JAG2: variants seen among roughly 807,000 people sequenced by gnomAD.
JAG2 encodes protein jagged-2.
In JAG2, 46 loss-of-function variants were observed where a neutral mutation model predicts 141.7. The ratio of observed to expected loss-of-function variants is 0.32; its 90% CI spans 0.26 to 0.42. The LOEUF (loss-of-function observed/expected upper bound fraction) is 0.42, where lower values mean the gene tolerates loss of function less well. Ranked by LOEUF, JAG2 falls within the 10% of genes least tolerant of loss-of-function variation. JAG2 has a pLI of 1.00. For synonymous variants in JAG2, 862 were observed against 763.5 expected (o/e 1.13, Z -2.13); for missense variants, 1,500 against 1,817.5 (o/e 0.83, Z 3.18).
At chr14:105,143,232 A>C in intron 25 of JAG2, 62 bp from the exon 26 acceptor site, 1 of 1,537,028 alleles carries the variant, frequency 6.5e-7, no homozygotes, top group Admixed American at 1.9e-5. Flanking sequence ...GGCACTAGCC[A>C]CACACCCAGG....
chr14:105,152,363 C>T (rs1257902071), intron 5 of JAG2, 72 bp from the exon 6 acceptor site: 5 of 1,545,538 alleles, frequency 3.2e-6, no homozygotes, highest in Non-Finnish European at 4.4e-6. Context: ...GAGCCAGGCA[C>T]AGTCACCCAC....
intron 2 of JAG2, among the ~76,000 whole-genome samples, chr14:105,165,662 G>A (rs1204424932): frequency 6.6e-6 from 1 of 152,182 alleles, no homozygotes; most frequent in Non-Finnish European, 1.5e-5. Flanking sequence ...GAGACCACAA[G>A]GTGGGAGAGT....
chr14:105,145,831 G>C lies in JAG2; in HGVS notation c.2852C>G (p.Ala951Gly). ...GCAGGGGGTGCTCGGTGGCTCTTCT[G>C]CGCCGCACTCCCCCCAGGCCTCACA... ...PPCEAWGECG[A>G]EEPPSTPCLP... The change falls in exon 23 of 26, where the codon GCA (alanine) becomes GGA (glycine). Residue 951 changes from alanine (A) to glycine (G), a missense_variant. Around this residue, in one of 3 missense-constraint regions of JAG2, gnomAD observed 425 missense variants for 441.0 expected, o/e 0.96. Coordinates refer to ENST00000331782, the MANE Select transcript of JAG2 (RefSeq NM_002226.5). 1.3e-6 allele frequency: 2 copies of C among 1,563,216 alleles called. No homozygotes were observed. The highest frequency in any genetic ancestry group is 1.7e-6 in the Non-Finnish European group (2 of 1,154,604).
rs1476682844 is a variant in JAG2 at position 105,143,086 on chromosome 14, C to T, written c.3326G>A (p.Arg1109His). The T allele has an allele frequency of 1.1e-5, 17 of 1,600,238 alleles. No individual in the cohort carries two copies. Among genetic ancestry groups the T allele is most frequent in the African/African-American group, 1.3e-5 (1 of 74,916 alleles). ...CCGGCTCCTCTCCCGCTCTTTCCTG[C>T]GCTTGCGTGTCCACCACACGCACAG... ...VVLCVWWTRK[R>H]RKERERSRLP... The change falls in exon 26 of 26, where the codon CGC (arginine) becomes CAC (histidine). Residue 1109 changes from arginine (R) to histidine (H), a missense_variant. Transcript: ENST00000331782.
rs948288244 is a variant in JAG2 at position 105,154,861 on chromosome 14, T to C, written c.788+701A>G. On this transcript the variant is annotated intron_variant, in intron 5 of 25. Coordinates refer to ENST00000331782, the MANE Select transcript of JAG2 (RefSeq NM_002226.5). This position sits in a 1 kb window ranked among gnomAD's most constrained non-coding sequence, Gnocchi z 4.4. Reference sequence around the variant, plus strand: ...CACCATGGCTCTGCTACTCAGCAGCTTGGGGTTCTCCCTGACTCCACACCC... The same window carrying C: ...CACCATGGCTCTGCTACTCAGCAGCCTGGGGTTCTCCCTGACTCCACACCC... Among the ~76,000 whole-genome samples the C allele has an allele frequency of 6.6e-6, 1 of 152,020 alleles. No individual in the cohort carries two copies. Among genetic ancestry groups the C allele is most frequent in the Admixed American group, 6.5e-5 (1 of 15,286 alleles).
chr14:105,148,819 C>A lies in JAG2; in HGVS notation c.1946G>T (p.Gly649Val). 6.3e-7 allele frequency: 1 copy of A among 1,598,808 alleles called. No homozygotes were observed. Among genetic ancestry groups the A allele is most frequent in the Non-Finnish European group, 8.5e-7 (1 of 1,173,328 alleles). The part of the protein sequence containing the change: ...DCLGQPCRNG[G>V]TCIDEVDAFR... Reference sequence around the variant, plus strand: ...GGCGTCCACCTCATCGATGCATGTGCCCCCATTGCGGCAGGGCTGGCCCAG... The same window carrying A: ...GGCGTCCACCTCATCGATGCATGTGACCCCATTGCGGCAGGGCTGGCCCAG... Residue 649 changes from glycine to valine, a missense_variant, in exon 15 of 26, where the codon GGC becomes GTC. This residue lies in a region of JAG2 where 875 missense variants were observed against 1,202.2 expected (regional missense o/e 0.73). Coordinates refer to ENST00000331782, the MANE Select transcript of JAG2 (RefSeq NM_002226.5).
chr14:105,148,175 C>T lies in JAG2; in HGVS notation c.2189G>A (p.Ser730Asn), dbSNP rs932145268. ...TCSNGGTCYDSGDTFRCACPP... is the reference protein window; with the variant it reads ...TCSNGGTCYDNGDTFRCACPP... ...GCAGGCGCAGCGGAAGGTGTCGCCGCTGTCGTAGCAGGTGCCACCGTTGCT... is the reference window on the plus strand; with the variant it reads ...GCAGGCGCAGCGGAAGGTGTCGCCGTTGTCGTAGCAGGTGCCACCGTTGCT... Residue 730 changes from serine to asparagine, a missense_variant, in exon 17 of 26, where the codon AGC becomes AAC. By Grantham distance (46) the Ser-to-Asn change is conservative (BLOSUM62 1). This residue lies in a region of JAG2 where 875 missense variants were observed against 1,202.2 expected (regional missense o/e 0.73). Coordinates refer to ENST00000331782, the MANE Select transcript of JAG2 (RefSeq NM_002226.5). 3.6e-5 allele frequency: 56 copies of T among 1,552,068 alleles called. No homozygotes were observed. The highest frequency in any genetic ancestry group is 1.8e-4 in the Admixed American group (9 of 51,196).
intron 3 of JAG2, among the ~76,000 whole-genome samples, 179 bp downstream of exon 3, chr14:105,157,527 C>T (rs1050392327): frequency 6.6e-6 from 1 of 152,216 alleles, no homozygotes; most frequent in Non-Finnish European, 1.5e-5. Flanking sequence ...AGAGTGCATG[C>T]ACAGCTCTGC....
chr14:105,146,256 G>A (rs922696843), intron 22 of JAG2, 129 bp downstream of exon 22: 2 of 879,102 alleles, frequency 2.3e-6, no homozygotes, highest in South Asian at 1.5e-5. Context: ...CGCCTCCCTG[G>A]GTGTCCCTGA....
At chr14:105,151,894 A>C in intron 7 of JAG2, 44 bp downstream of exon 7, 1 of 1,612,096 alleles carries the variant, frequency 6.2e-7, no homozygotes. Context: ...CCAGGGAACC[A>C]GTCCCTGCCT....
At chr14:105,161,027 G>C (rs1264943657) in intron 2 of JAG2, among the ~76,000 whole-genome samples, 1 of 152,212 alleles carries the variant, frequency 6.6e-6, no homozygotes, top group Non-Finnish European at 1.5e-5. Flanking sequence ...CACAGATCCA[G>C]ACCCCACCAC....
In JAG2 at chr14:105,151,700, C is replaced by T. The variant is rs1258891191; in HGVS notation, c.1079G>A (p.Gly360Asp). ...ACTSNPCANGGSCHEVPSGFE... is the reference protein window; with the variant it reads ...ACTSNPCANGDSCHEVPSGFE... ...GCCGGACGGCACCTCATGGCAAGAG[C>T]CCCCGTTGGCACACGGGTTGGAGGT... The change falls in exon 8 of 26, where the codon GGC becomes GAC. Residue 360 changes from glycine to aspartate, a missense_variant. Physicochemically the swap from Gly to Asp is moderately conservative, Grantham distance 94. This residue lies in a region of JAG2 where 875 missense variants were observed against 1,202.2 expected (regional missense o/e 0.73). Transcript: ENST00000331782. The T allele has an allele frequency of 6.2e-7, 1 of 1,611,234 alleles. No individual in the cohort carries two copies. Among genetic ancestry groups the T allele is most frequent in the Non-Finnish European group, 8.5e-7 (1 of 1,179,326 alleles).
intron 2 of JAG2, among the ~76,000 whole-genome samples, chr14:105,160,408 C>G (rs1410869214): frequency 6.9e-6 from 1 of 144,792 alleles, no homozygotes; most frequent in Non-Finnish European, 1.5e-5. Context: ...CCTGGAGCAC[C>G]CAGCCGCTTC....
At chr14:105,157,285 G>A (rs893715960) in intron 3 of JAG2, among the ~76,000 whole-genome samples, 61 of 152,228 alleles carry the variant, frequency 4.0e-4, no homozygotes, top group African/African-American at 1.4e-3. Flanking sequence ...TTGGCCTGTG[G>A]GTGCTTCTGC....
Position 105,143,151 on chromosome 14 carries a change from C to T in JAG2, c.3261G>A (p.Leu1087=), listed in dbSNP as rs1020420221. 5.0e-6 allele frequency: 8 copies of T among 1,598,524 alleles called. No individual in the cohort carries two copies. Among genetic ancestry groups the T allele is most frequent in the South Asian group, 1.1e-5 (1 of 91,070 alleles). ...GSSTGLLVPV[L]CGAFSVLWLA... ...GCCACAGCACGCTGAAGGCACCACA[C>T]AGCACAGGCACCAGCAGACCTGGGG... Residue 1087 remains leucine, a synonymous_variant, in exon 26 of 26, where the codon CTG becomes CTA. Coordinates refer to ENST00000331782, the MANE Select transcript of JAG2 (RefSeq NM_002226.5).
At chr14:105,153,516 GC>G (rs1243449453) in intron 5 of JAG2, among the ~76,000 whole-genome samples, 2 of 152,216 alleles carry the variant, frequency 1.3e-5, no homozygotes, top group Non-Finnish European at 2.9e-5. Context: ...GGGCAGGGCA[GC>G]CCACACCAGG....
At chr14:105,165,836 C>T (rs2140997225) in intron 2 of JAG2, among the ~76,000 whole-genome samples, 2 of 152,392 alleles carry the variant, frequency 1.3e-5, no homozygotes, top group Middle Eastern at 3.4e-3. Flanking sequence ...CCTCAGGTCC[C>T]AGGGAGCCTG....
chr14:105,156,574 G>A (rs1232733203), intron 3 of JAG2, among the ~76,000 whole-genome samples: 1 of 151,956 alleles, frequency 6.6e-6, no homozygotes, highest in Admixed American at 6.5e-5. Context: ...GCCACCAGGA[G>A]ACCAGGGGCC....
chr14:105,148,160 C>G lies in JAG2; in HGVS notation c.2204G>C (p.Arg735Pro). 1 of 1,550,768 alleles carries G rather than the reference C, an allele frequency of 6.4e-7. No homozygotes were observed. The highest frequency in any genetic ancestry group is 8.7e-7 in the Non-Finnish European group (1 of 1,147,242). Residue 735 changes from arginine (R) to proline (P), a missense_variant, in exon 17 of 26, where the codon CGC (arginine) becomes CCC (proline). By Grantham distance (103) the Arg-to-Pro change is moderately radical (BLOSUM62 -2). This residue lies in a region of JAG2 where 875 missense variants were observed against 1,202.2 expected (regional missense o/e 0.73). Coordinates refer to ENST00000331782, the MANE Select transcript of JAG2 (RefSeq NM_002226.5). ...CTTCCAGCCGGGGGGGCAGGCGCAG[C>G]GGAAGGTGTCGCCGCTGTCGTAGCA... is the stretch of plus-strand genomic sequence containing the variant. ...GTCYDSGDTFRCACPPGWKGS... is the reference protein window; with the variant it reads ...GTCYDSGDTFPCACPPGWKGS...
Sources: allele counts gnomAD v4.1 joint callset (sites outside exome capture counted in the v4.1 genomes callset), GRCh38; gene constraint gnomAD v4.1.1; regional missense constraint gnomAD v4.1.1; non-coding constraint Gnocchi (gnomAD v3.1); transcripts MANE v1.5; gene names NCBI Gene and HGNC (gene_info 2026-07-23, HGNC 2026-07-21).